Variants in MARK3 observed in about 807,000 individuals in gnomAD.
The protein encoded by MARK3 is microtubule affinity regulating kinase 3, also known as MAP/microtubule affinity-regulating kinase 3.
In MARK3, 46 loss-of-function variants were observed where a neutral mutation model predicts 90.1. That is an observed-to-expected ratio of 0.51 (90% confidence interval 0.40 to 0.65). MARK3 has a LOEUF of 0.65. Ranked by LOEUF, MARK3 falls within the 30% of genes least tolerant of loss-of-function variation. The pLI is 0.00. For missense variants in MARK3, 818 were observed against 947.2 expected (o/e 0.86, Z 1.79); for synonymous variants, 321 against 332.6 (o/e 0.97, Z 0.38).
chr14:103,441,834 C>T (rs891543109), intron 3 of MARK3, among the ~76,000 whole-genome samples: 2 of 133,560 alleles, frequency 1.5e-5, no homozygotes, highest in African/African-American at 5.6e-5. Context: ...AGTGGTTATT[C>T]TGGTTCACTT....
intron 3 of MARK3, among the ~76,000 whole-genome samples, chr14:103,435,179 A>C (rs1462590058): frequency 6.6e-6 from 1 of 152,170 alleles, no homozygotes; most frequent in African/African-American, 2.4e-5. Flanking sequence ...CTGTTGATTT[A>C]GTTTTCTTAA....
chr14:103,480,248 C>T (rs999351852), intron 13 of MARK3, 139 bp from the exon 14 acceptor site: 2 of 557,764 alleles, frequency 3.6e-6, no homozygotes, highest in African/African-American at 3.9e-5. Context: ...GCACTCCAGC[C>T]TGGGTGACAG....
At chr14:103,466,246 C>T (rs2093499775) in intron 9 of MARK3, 97 bp from the exon 10 acceptor site, 19 of 1,296,192 alleles carry the variant, frequency 1.5e-5, no homozygotes, top group South Asian at 4.1e-5. Flanking sequence ...ATGCTTTGAA[C>T]GATAGTCAAT....
At chr14:103,464,940 C>T (rs145858359) in intron 7 of MARK3, among the ~76,000 whole-genome samples, 124 of 151,756 alleles carry the variant, frequency 8.2e-4, no homozygotes, top group African/African-American at 2.9e-3. Context: ...CTCAAGTGAG[C>T]CACTGTACCT....
intron 8 of MARK3, 28 bp from the exon 9 acceptor site, chr14:103,465,944 G>A (rs765810635): frequency 3.1e-5 from 49 of 1,601,384 alleles, no homozygotes; most frequent in South Asian, 4.5e-5. Flanking sequence ...TGACTTACTC[G>A]TTTTCTTTCC....
chr14:103,443,193 T>C (rs2092906757), intron 3 of MARK3, among the ~76,000 whole-genome samples: 1 of 152,142 alleles, frequency 6.6e-6, no homozygotes, highest in Non-Finnish European at 1.5e-5. Flanking sequence ...TCGATACACA[T>C]CAGTAACAAC....
chr14:103,457,173 C>G lies in MARK3; in HGVS notation c.444C>G (p.Gly148=). ...GEVFDYLVAH[G]RMKEKEARSK... is the part of the protein sequence containing the mutation. ...TATTTGACTATTTGGTTGCACATGG[C>G]AGGATGAAGGAAAAAGAAGCAAGAT... The change falls in exon 6 of 18, where the codon GGC becomes GGG. Residue 148 remains glycine (G), a synonymous_variant. Transcript: ENST00000429436. 6.2e-7 allele frequency: 1 copy of G among 1,610,310 alleles called. No homozygotes were observed. Among genetic ancestry groups the G allele is most frequent in the Non-Finnish European group, 8.5e-7 (1 of 1,177,004 alleles).
chr14:103,467,053 T>TAAACTGG, intron 10 of MARK3, 26 bp from the exon 11 acceptor site: 1 of 889,344 alleles, frequency 1.1e-6, no homozygotes, highest in South Asian at 1.7e-5. Flanking sequence ...ACAAAACACA[T>TAAACTGG]AAACTGTATT....
intron 3 of MARK3, among the ~76,000 whole-genome samples, chr14:103,443,980 G>A (rs7158326): frequency 0.028 from 4,248 of 152,072 alleles, 221 homozygotes; most frequent in African/African-American, 0.097. Flanking sequence ...CTGGAGAAGG[G>A]AGCCTGAACA....
chr14:103,427,101 C>G (rs2092430261), intron 2 of MARK3, among the ~76,000 whole-genome samples: 1 of 150,510 alleles, frequency 6.6e-6, no homozygotes, highest in Non-Finnish European at 1.5e-5. Flanking sequence ...TTCCCCTTGT[C>G]TATAAGTAAC....
intron 11 of MARK3, 162 bp from the exon 12 acceptor site, chr14:103,467,871 T>G (rs1477254287): frequency 2.4e-5 from 14 of 573,392 alleles, no homozygotes. Flanking sequence ...GTCAGAAAAC[T>G]ACTTTTGCTT....
chr14:103,479,438 C>T (rs1381264106), intron 13 of MARK3, among the ~76,000 whole-genome samples: 1 of 152,202 alleles, frequency 6.6e-6, no homozygotes, highest in Non-Finnish European at 1.5e-5. Flanking sequence ...TTCCTCACAA[C>T]TGTACCATTT....
chr14:103,487,717 C>G (rs991603787), intron 14 of MARK3, among the ~76,000 whole-genome samples: 5 of 152,048 alleles, frequency 3.3e-5, no homozygotes, highest in Non-Finnish European at 4.4e-5. Context: ...GGTAAGGGCA[C>G]AAGAGATAGT....
At chr14:103,455,546 G>A (rs909472501) in intron 5 of MARK3, among the ~76,000 whole-genome samples, 2 of 152,074 alleles carry the variant, frequency 1.3e-5, no homozygotes, top group African/African-American at 4.8e-5. Flanking sequence ...GGCCAACGTG[G>A]TGAAACCCCC....
At chr14:103,404,956 C>T (rs1264885040) in intron 1 of MARK3, 120 bp from the exon 2 acceptor site, 3 of 661,086 alleles carry the variant, frequency 4.5e-6, no homozygotes, top group Non-Finnish European at 7.4e-6. Context: ...CTTTGAAGTG[C>T]TAGATACTTT....
chr14:103,415,101 A>C (rs1367838366), intron 2 of MARK3, among the ~76,000 whole-genome samples: 1 of 147,216 alleles, frequency 6.8e-6, no homozygotes, highest in Non-Finnish European at 1.5e-5. Flanking sequence ...GCAGTGAGCC[A>C]AGATCATGCC....
intron 12 of MARK3, among the ~76,000 whole-genome samples, chr14:103,468,979 T>C (rs2093573418): frequency 2.0e-5 from 3 of 151,930 alleles, no homozygotes; most frequent in African/African-American, 7.3e-5. Flanking sequence ...TCTGTAGTTC[T>C]ATTCACTCTC....
chr14:103,448,956 A>G lies in MARK3; in HGVS notation c.335A>G (p.His112Arg). The G allele has an allele frequency of 1.3e-6, 2 of 1,568,084 alleles. No homozygotes were observed. The highest frequency in any genetic ancestry group is 8.7e-7 in the Non-Finnish European group (1 of 1,153,726). ...GTAAGAATAATGAAGATTTTAAATCATCCCAATATAGGTACTTTCTGCTTT... is the reference window on the plus strand; with the variant it reads ...GTAAGAATAATGAAGATTTTAAATCGTCCCAATATAGGTACTTTCTGCTTT... ...REVRIMKILN[H>R]PNIVKLFEVI... The change falls in exon 4 of 18, where the codon CAT (histidine) becomes CGT (arginine). Residue 112 changes from histidine (H) to arginine (R), a missense_variant. By Grantham distance (29) the His-to-Arg change is conservative. Around this residue, in one of 3 missense-constraint regions of MARK3, gnomAD observed 157 missense variants for 158.7 expected, o/e 0.99. Coordinates refer to ENST00000429436, the MANE Select transcript of MARK3 (RefSeq NM_001128918.3).
At chr14:103,477,888 G>A (rs980875571) in intron 13 of MARK3, among the ~76,000 whole-genome samples, 2 of 151,892 alleles carry the variant, frequency 1.3e-5, no homozygotes, top group Non-Finnish European at 1.5e-5. Flanking sequence ...CTACTTGAGA[G>A]CTTGAGAGGC....
Sources: gnomAD v4.1 joint callset for allele counts (sites outside exome capture counted in the v4.1 genomes callset) on GRCh38, gnomAD v4.1.1 for gene constraint, gnomAD v4.1.1 regional missense constraint, MANE v1.5 for transcripts, NCBI Gene and HGNC (gene_info 2026-07-23, HGNC 2026-07-21) for gene names.